The following PUDP variants were observed in gnomAD, a reference collection of about 807,000 sequenced individuals.
PUDP encodes the protein pseudouridine-5'-phosphatase.
Under a neutral mutation model 9.4 loss-of-function variants are expected in PUDP, and 8 were observed. The ratio of observed to expected loss-of-function variants is 0.85; its 90% CI spans 0.50 to 1.53. PUDP has a LOEUF of 1.53. Ranked by LOEUF, PUDP falls within the 40% of genes most tolerant of loss-of-function variation. The probability of loss-of-function intolerance (pLI) is 0.00; values close to 1 mark genes in which losing one functional copy is unlikely to be tolerated. For missense variants in PUDP, 188 were observed against 189.7 expected (o/e 0.99, Z 0.05); for synonymous variants, 99 against 80.7 (o/e 1.23, Z -1.22).
At chrX:6,921,279 A>T (rs987680867) in intron 3 of PUDP, among the ~76,000 whole-genome samples, 2 of 110,288 alleles carry the variant, frequency 1.8e-5, no homozygotes, top group African/African-American at 6.6e-5. Context: ...GCTACTCAGG[A>T]GGCTGAGGCA....
intron 3 of PUDP, among the ~76,000 whole-genome samples, chrX:6,799,848 T>TA (rs907456034): frequency 4.8e-4 from 51 of 107,039 alleles, no homozygotes; most frequent in South Asian, 2.8e-3. Flanking sequence ...AAAAAAATAA[T>TA]AAAAAAAAAA....
At chrX:7,022,872 G>C (rs139265682) in intron 1 of PUDP, among the ~76,000 whole-genome samples, 1 of 111,713 alleles carries the variant, frequency 9.0e-6, no homozygotes, top group Non-Finnish European at 1.9e-5. Context: ...AAATAAGGCA[G>C]TGAAGGACAG....
intron 1 of PUDP, among the ~76,000 whole-genome samples, chrX:7,119,125 C>A (rs1024142068): frequency 8.9e-6 from 1 of 111,992 alleles, no homozygotes; most frequent in African/African-American, 3.3e-5. Flanking sequence ...TCCTCTCAGA[C>A]CCGAAAACAG....
chrX:7,085,699 C>T (rs186449535), intron 2 of PUDP, among the ~76,000 whole-genome samples: 2 of 112,025 alleles, frequency 1.8e-5, no homozygotes, highest in East Asian at 2.8e-4. Context: ...CAAGATTTAT[C>T]GAAGGAAACA....
intron 1 of PUDP, among the ~76,000 whole-genome samples, chrX:7,004,834 C>A (rs1003757109): frequency 2.7e-5 from 3 of 111,736 alleles, no homozygotes; most frequent in Admixed American, 9.5e-5. Flanking sequence ...ATTCAAAGAG[C>A]TTTAGGCCAG....
At chrX:6,989,782 A>C (rs1213156566) in intron 1 of PUDP, 1 of 112,864 alleles carries the variant, frequency 8.9e-6, no homozygotes, top group African/African-American at 3.2e-5. Context: ...CCAGACAAGT[A>C]ATCGTGTATG....
At chrX:6,999,113 C>T (rs1432252239) in intron 1 of PUDP, among the ~76,000 whole-genome samples, 1 of 111,118 alleles carries the variant, frequency 9.0e-6, no homozygotes, top group African/African-American at 3.3e-5. Context: ...CGCCATAGTA[C>T]CTGATCTCAG....
intron 1 of PUDP, among the ~76,000 whole-genome samples, chrX:7,110,817 A>G (rs930374294): frequency 2.5e-4 from 28 of 111,116 alleles, no homozygotes; most frequent in African/African-American, 9.2e-4. Context: ...GTCCAGGAGA[A>G]GGAGTGTCAC....
chrX:6,896,360 T>C (rs1211548147), intron 3 of PUDP, among the ~76,000 whole-genome samples: 3 of 112,112 alleles, frequency 2.7e-5, no homozygotes, highest in African/African-American at 9.7e-5. Context: ...ACATCTAATG[T>C]AGTAACAAAG....
intron 2 of PUDP, among the ~76,000 whole-genome samples, chrX:7,094,413 G>A (rs1225804430): frequency 9.7e-6 from 1 of 103,529 alleles, no homozygotes; most frequent in Non-Finnish European, 2.0e-5. Context: ...CTGGAGTGCA[G>A]TGGCGTGATC....
chrX:7,063,733 C>G (rs1366995293), intron 3 of PUDP, among the ~76,000 whole-genome samples: 1 of 111,700 alleles, frequency 9.0e-6, no homozygotes, highest in East Asian at 2.8e-4. Context: ...AGCCTTGACA[C>G]CCCCAGGCTC....
chrX:6,803,557 C>A (rs754223172), intron 3 of PUDP, among the ~76,000 whole-genome samples: 1 of 112,290 alleles, frequency 8.9e-6, no homozygotes, highest in Non-Finnish European at 1.9e-5. Flanking sequence ...TTAGTGACTG[C>A]AGAAGAAAAA....
intron 3 of PUDP, among the ~76,000 whole-genome samples, chrX:6,932,850 C>A (rs1420231663): frequency 2.7e-5 from 3 of 111,082 alleles, no homozygotes; most frequent in South Asian, 7.9e-4. Context: ...CCTACGCCCA[C>A]GGAGTCTCGC....
intron 1 of PUDP, among the ~76,000 whole-genome samples, chrX:6,996,608 A>G (rs987915929): frequency 9.5e-6 from 1 of 104,808 alleles, no homozygotes; most frequent in Admixed American, 1.0e-4. Flanking sequence ...ATACATACAT[A>G]TGTATATATA....
At chrX:7,084,262 C>T (rs192904219) in intron 2 of PUDP, among the ~76,000 whole-genome samples, 25 of 112,405 alleles carry the variant, frequency 2.2e-4, no homozygotes, top group Admixed American at 2.0e-3. Context: ...GAAACTTCCA[C>T]TCAAGAATGA....
chrX:6,815,548 C>G (rs1005064351), intron 3 of PUDP, among the ~76,000 whole-genome samples: 1 of 111,649 alleles, frequency 9.0e-6, no homozygotes, highest in Non-Finnish European at 1.9e-5. Context: ...TTCAGGGCCT[C>G]TTGGCTACCT....
At chrX:6,773,796 C>T (rs1212020629) in intron 3 of PUDP, among the ~76,000 whole-genome samples, 1 of 111,590 alleles carries the variant, frequency 9.0e-6, no homozygotes, top group Admixed American at 9.5e-5. Context: ...GTTACTACCC[C>T]TTCCCTAGAA....
chrX:6,817,068 CTA>C (rs1926262632), intron 3 of PUDP, among the ~76,000 whole-genome samples: 1 of 100,892 alleles, frequency 9.9e-6, no homozygotes, highest in African/African-American at 3.6e-5. Context: ...ATAGTATATA[CTA>C]TGTGTGTGTA....
At position 6,822,559 on chromosome X, in the gene PUDP, T is replaced by C. The variant is rs185349704; in HGVS notation, c.*248-116093A>G. Reference sequence around the variant, plus strand: ...CTTCTGCCTCAGCCTCCCGAGTAGCTGGGATTACAGGCACGTGCTACCATG... The same window carrying C: ...CTTCTGCCTCAGCCTCCCGAGTAGCCGGGATTACAGGCACGTGCTACCATG... On this transcript the variant is annotated intron_variant and NMD_transcript_variant, in intron 3 of 3. Transcript: ENST00000655425. 8.3e-3 allele frequency among the ~76,000 whole-genome samples: 927 copies of C among 111,943 alleles called. 11 individuals are homozygous for C. Among genetic ancestry groups the C allele is most frequent in the African/African-American group, 0.028 (878 of 30,835 alleles).
Sources: allele counts gnomAD v4.1 joint callset (sites outside exome capture counted in the v4.1 genomes callset), GRCh38; gene constraint gnomAD v4.1.1; transcripts MANE v1.5; gene names NCBI Gene and HGNC (gene_info 2026-07-23, HGNC 2026-07-21).